HIVEP3: variants seen among roughly 807,000 people sequenced by gnomAD.
HIVEP3 encodes HIVEP zinc finger 3.
A neutral mutation model predicts 152.8 loss-of-function variants in HIVEP3; 49 were observed. The ratio of observed to expected loss-of-function variants is 0.32; its 90% CI spans 0.26 to 0.41. The LOEUF (loss-of-function observed/expected upper bound fraction) is 0.41, where lower values mean the gene tolerates loss of function less well. HIVEP3 is among the 10% of genes least tolerant of loss of function. The probability of loss-of-function intolerance (pLI) is 1.00; values close to 1 mark genes in which losing one functional copy is unlikely to be tolerated. For synonymous variants in HIVEP3, 1,269 were observed against 1,289.0 expected (o/e 0.98, Z 0.33); for missense variants, 2,790 against 3,103.3 (o/e 0.90, Z 2.40).
chr1:41,621,263 C>T (rs1169766541), intron 3 of HIVEP3, among the ~76,000 whole-genome samples: 3 of 152,216 alleles, frequency 2.0e-5, no homozygotes, highest in Non-Finnish European at 4.4e-5. Context: ...GGACAGAGCC[C>T]TGGAATCTGC....
Position 41,509,979 on chromosome 1 carries a change from G to A in HIVEP3, c.*472C>T, listed in dbSNP as rs1036973443. Reference sequence around the variant, plus strand: ...GGGGTGGCTACGAGCTGGGCAGGGGGGTGAAGTGGCAATAAACAGGAACCT... The same window carrying A: ...GGGGTGGCTACGAGCTGGGCAGGGGAGTGAAGTGGCAATAAACAGGAACCT... On this transcript the variant is annotated 3_prime_UTR_variant, in exon 9 of 9. Coordinates refer to ENST00000372583, the MANE Select transcript of HIVEP3 (RefSeq NM_024503.5). The A allele has an allele frequency of 6.6e-6, 1 of 152,638 alleles. No individual in the cohort carries two copies. The highest frequency in any genetic ancestry group is 1.5e-5 in the Non-Finnish European group (1 of 68,382). The allele number at this position is 152,638 out of a possible 1,614,324, so 9.5% of individuals were successfully genotyped here. A position where few individuals can be genotyped will look rare whatever the true frequency, so the allele number is the denominator to read the frequency against.
intron 2 of HIVEP3, among the ~76,000 whole-genome samples, chr1:41,648,413 C>A (rs1057105016): frequency 6.6e-6 from 1 of 152,182 alleles, no homozygotes; most frequent in Admixed American, 6.5e-5. Context: ...GGTCACATAG[C>A]CAGAAGGTGG....
chr1:41,847,501 A>C, intron 1 of HIVEP3: 1 of 152,252 alleles, frequency 6.6e-6, no homozygotes, highest in Non-Finnish European at 1.5e-5. Context: ...CTTTGGGGTA[A>C]GTAGGATTTG....
chr1:41,889,222 C>A lies in HIVEP3; in HGVS notation c.-801+29191G>T, dbSNP rs536340206. Among the ~76,000 whole-genome samples the A allele has an allele frequency of 4.6e-5, 7 of 151,964 alleles. No individual in the cohort carries two copies. In the East Asian group the frequency reaches 1.4e-3, roughly 29 times the overall value. ...ACACACACCACATACACCACACACC[C>A]CACACCTCACACAGTCCCACCCCAC... is the stretch of plus-strand genomic sequence containing the variant. On this transcript the variant is annotated intron_variant, in intron 1 of 8. Coordinates refer to ENST00000372583, the MANE Select transcript of HIVEP3 (RefSeq NM_024503.5).
chr1:41,565,479 T>G lies in HIVEP3; in HGVS notation c.5207+10065A>C, dbSNP rs149842158. Among the ~76,000 whole-genome samples the G allele has an allele frequency of 9.3e-3, 1,419 of 151,974 alleles. 21 individuals are homozygous for G. Among genetic ancestry groups the G allele is most frequent in the African/African-American group, 0.032 (1,339 of 41,380 alleles). On this transcript the variant is annotated intron_variant, in intron 5 of 8. Coordinates refer to ENST00000372583, the MANE Select transcript of HIVEP3 (RefSeq NM_024503.5). Reference sequence around the variant, plus strand: ...TCCCACAACAAAATCTATGGAAATATTTGACTCTTTAAACTCCAGACATGT... The same window carrying G: ...TCCCACAACAAAATCTATGGAAATAGTTGACTCTTTAAACTCCAGACATGT...
intron 1 of HIVEP3, among the ~76,000 whole-genome samples, chr1:41,815,838 C>T (rs186804964): frequency 7.3e-5 from 11 of 150,786 alleles, no homozygotes; most frequent in African/African-American, 2.2e-4. Flanking sequence ...GGTGGGATCT[C>T]GGCCCACTGC....
At chr1:41,743,948 G>A (rs79218194) in intron 1 of HIVEP3, among the ~76,000 whole-genome samples, 2,812 of 152,244 alleles carry the variant, frequency 0.018, 76 homozygotes, top group African/African-American at 0.064. Context: ...ATTTCTACCC[G>A]TGTCAAAAAT....
At chr1:41,930,571 A>G (rs1450562517) in intron 1 of HIVEP3, among the ~76,000 whole-genome samples, 4 of 152,164 alleles carry the variant, frequency 2.6e-5, no homozygotes, top group African/African-American at 9.7e-5. Flanking sequence ...AGTTGTTACA[A>G]ATATTCATGT....
intron 1 of HIVEP3, among the ~76,000 whole-genome samples, chr1:41,943,356 A>G (rs573279908): frequency 4.6e-5 from 7 of 152,348 alleles, no homozygotes; most frequent in African/African-American, 1.4e-4. Flanking sequence ...TTATAGTTTT[A>G]AGTTCAAAAT....
At chr1:41,945,217 C>T (rs1317221650) in intron 1 of HIVEP3, among the ~76,000 whole-genome samples, 1 of 152,120 alleles carries the variant, frequency 6.6e-6, no homozygotes, top group Non-Finnish European at 1.5e-5. Context: ...ATAAGGACCC[C>T]GCCTTCAACC....
At chr1:41,717,890 C>A (rs1026496386) in intron 1 of HIVEP3, among the ~76,000 whole-genome samples, 1 of 152,320 alleles carries the variant, frequency 6.6e-6, no homozygotes, top group East Asian at 1.9e-4. Context: ...GCCTAGCTCA[C>A]GGCAGGCTCT....
intron 1 of HIVEP3, among the ~76,000 whole-genome samples, chr1:41,946,507 C>T (rs1232165703): frequency 1.3e-5 from 2 of 152,192 alleles, no homozygotes; most frequent in African/African-American, 4.8e-5. Flanking sequence ...TTCTCTCAGC[C>T]ACTAAGTTGT....
chr1:41,543,889 A>G (rs1201028901), intron 5 of HIVEP3: 5 of 152,178 alleles, frequency 3.3e-5, no homozygotes, highest in African/African-American at 9.7e-5. Context: ...CAATGGTCCA[A>G]TCTCCTGCTC....
chr1:41,746,975 C>T (rs28654174), intron 1 of HIVEP3, among the ~76,000 whole-genome samples: 33 of 152,184 alleles, frequency 2.2e-4, no homozygotes, highest in African/African-American at 5.5e-4. Context: ...GCATCACCCC[C>T]GGCTCGAGGA....
intron 1 of HIVEP3, among the ~76,000 whole-genome samples, chr1:41,827,701 G>C (rs1233126340): frequency 6.6e-6 from 1 of 152,186 alleles, no homozygotes; most frequent in Non-Finnish European, 1.5e-5. Flanking sequence ...AAATGCTCCA[G>C]TAATTAAATT....
intron 1 of HIVEP3, among the ~76,000 whole-genome samples, chr1:41,910,354 T>G (rs1644776517): frequency 6.6e-6 from 1 of 152,006 alleles, no homozygotes; most frequent in Non-Finnish European, 1.5e-5. Flanking sequence ...TTACCAATAT[T>G]GATTTAAGAA....
intron 1 of HIVEP3, among the ~76,000 whole-genome samples, chr1:41,766,167 CA>C (rs1429606768): frequency 6.6e-6 from 1 of 152,226 alleles, no homozygotes; most frequent in African/African-American, 2.4e-5. Flanking sequence ...GTCTGAAGAC[CA>C]GCACCTGGAG....
chr1:41,764,460 A>T (rs1167742462), intron 1 of HIVEP3, among the ~76,000 whole-genome samples: 3 of 152,184 alleles, frequency 2.0e-5, no homozygotes, highest in Non-Finnish European at 4.4e-5. Flanking sequence ...AGATAAGTCA[A>T]CCTTCAATGC....
chr1:41,844,474 G>A (rs1055315040), intron 1 of HIVEP3, among the ~76,000 whole-genome samples: 1 of 152,166 alleles, frequency 6.6e-6, no homozygotes, highest in Admixed American at 6.5e-5. Context: ...CAGCAGTATC[G>A]CTAGACGTCA....
Sources: gnomAD v4.1 joint callset for allele counts (sites outside exome capture counted in the v4.1 genomes callset) on GRCh38, gnomAD v4.1.1 for gene constraint, MANE v1.5 for transcripts, NCBI Gene and HGNC (gene_info 2026-07-23, HGNC 2026-07-21) for gene names.